Variants in CTDSPL2 observed in about 807,000 individuals in gnomAD.
The protein encoded by CTDSPL2 is CTD small phosphatase-like protein 2.
CTDSPL2 carries 5 observed loss-of-function variants against 60.0 expected under a neutral mutation model. The observed-to-expected ratio is 0.08, with a 90% CI of 0.04 to 0.18. The LOEUF (loss-of-function observed/expected upper bound fraction) is 0.18, where lower values mean the gene tolerates loss of function less well. CTDSPL2 is among the 10% of genes least tolerant of loss of function. The pLI is 1.00. For synonymous variants in CTDSPL2, 186 were observed against 189.3 expected (o/e 0.98, Z 0.14); for missense variants, 370 against 548.8 (o/e 0.67, Z 3.26).
At position 44,473,579 on chromosome 15, in the gene CTDSPL2, A is replaced by ACCACTGCGC. The variant is rs546364093; in HGVS notation, c.187-10641_187-10633dup. 5.2e-3 allele frequency among the ~76,000 whole-genome samples: 785 copies of ACCACTGCGC among 151,782 alleles called. 5 individuals carry two copies. Among genetic ancestry groups the ACCACTGCGC allele is most frequent in the Non-Finnish European group, 8.3e-3 (563 of 67,872 alleles). ...CAAAGTGCTGGGATTACAGGCGTGA[A>ACCACTGCGC]CCACTGCGCCCAGCCGTATCCCTAG... On this transcript the variant is annotated intron_variant, in intron 2 of 12. Coordinates refer to ENST00000260327, the MANE Select transcript of CTDSPL2 (RefSeq NM_016396.3).
At chr15:44,505,741 AAAAAAAAAAG>A (rs2081450172) in intron 8 of CTDSPL2, among the ~76,000 whole-genome samples, 1 of 151,714 alleles carries the variant, frequency 6.6e-6, no homozygotes, top group Non-Finnish European at 1.5e-5. Flanking sequence ...CTCCCAAAAA[AAAAAAAAAAG>A]AAAAGAAAAG....
At chr15:44,460,079 A>G (rs1041568069) in intron 2 of CTDSPL2, among the ~76,000 whole-genome samples, 2 of 152,100 alleles carry the variant, frequency 1.3e-5, no homozygotes, top group African/African-American at 4.8e-5. Flanking sequence ...ATGGTACAAC[A>G]GGTAGAAAAG....
chr15:44,473,772 A>AT (rs1325185034), intron 2 of CTDSPL2, among the ~76,000 whole-genome samples: 2 of 152,160 alleles, frequency 1.3e-5, no homozygotes, highest in African/African-American at 4.8e-5. Context: ...CTGCCCAGCT[A>AT]TTTCACCGTC....
intron 8 of CTDSPL2, among the ~76,000 whole-genome samples, chr15:44,506,402 C>A (rs1766479905): frequency 6.9e-6 from 1 of 145,360 alleles, no homozygotes; most frequent in Non-Finnish European, 1.5e-5. Flanking sequence ...TTCATTTTAT[C>A]CTACTTTGAC....
chr15:44,496,723 C>G (rs761638037), intron 6 of CTDSPL2, among the ~76,000 whole-genome samples: 2 of 151,952 alleles, frequency 1.3e-5, no homozygotes, highest in Non-Finnish European at 2.9e-5. Flanking sequence ...TGGCCGGACA[C>G]GGTGGCACAT....
chr15:44,517,795 T>G (rs2081684328), intron 10 of CTDSPL2, among the ~76,000 whole-genome samples: 1 of 152,234 alleles, frequency 6.6e-6, no homozygotes, highest in African/African-American at 2.4e-5. Context: ...GCCTTTCCAG[T>G]TTCCTCATAT....
intron 1 of CTDSPL2, among the ~76,000 whole-genome samples, chr15:44,432,268 G>T (rs1336508644): frequency 6.6e-6 from 1 of 151,570 alleles, no homozygotes; most frequent in Non-Finnish European, 1.5e-5. Context: ...CTGTACTAGG[G>T]ACTATGTATT....
intron 8 of CTDSPL2, among the ~76,000 whole-genome samples, chr15:44,500,470 A>G (rs2081367165): frequency 1.3e-5 from 2 of 152,218 alleles, no homozygotes; most frequent in African/African-American, 4.8e-5. Flanking sequence ...AATATAAGTG[A>G]ATACACTTTG....
At chr15:44,440,936 T>G (rs1475499201) in intron 1 of CTDSPL2, among the ~76,000 whole-genome samples, 3 of 152,202 alleles carry the variant, frequency 2.0e-5, no homozygotes, top group Non-Finnish European at 4.4e-5. Flanking sequence ...CAAATTTCTC[T>G]CGTGTTACTT....
At position 44,528,681 on chromosome 15, in the gene CTDSPL2, G is replaced by A. The variant is rs947930991; in HGVS notation, c.*4507G>A. 8 of 152,076 alleles carry A rather than the reference G, an allele frequency of 5.3e-5. No homozygotes were observed. Among genetic ancestry groups the A allele is most frequent in the Admixed American group, 1.3e-4 (2 of 15,266 alleles). 9.4% of individuals were successfully genotyped at this position (152,076 alleles called of 1,614,324 possible). On this transcript the variant is annotated 3_prime_UTR_variant, in exon 13 of 13. Coordinates refer to ENST00000260327, the MANE Select transcript of CTDSPL2 (RefSeq NM_016396.3). ...GACCATATACATAGCTAAAGGACAT[G>A]TCCCTGAATGAGACCATTATATATA... is the stretch of plus-strand genomic sequence containing the variant.
chr15:44,459,217 A>G lies in CTDSPL2; in HGVS notation c.186+17A>G, dbSNP rs1419428534. 5 of 1,560,558 alleles carry G rather than the reference A, an allele frequency of 3.2e-6. No homozygotes were observed. In the Admixed American group the frequency reaches 7.6e-5, roughly 24 times the overall value. ...ACACCTAAGGTAATGATTTTACCAT[A>G]TACTTTCATATCATTAAAAGTGAAA... is the stretch of plus-strand genomic sequence containing the variant. On this transcript the variant is annotated intron_variant, in intron 2 of 12. Transcript: ENST00000260327.
intron 2 of CTDSPL2, among the ~76,000 whole-genome samples, chr15:44,477,908 C>A (rs1339345066): frequency 1.3e-5 from 2 of 151,944 alleles, no homozygotes; most frequent in Non-Finnish European, 2.9e-5. Flanking sequence ...TGTTATTCAC[C>A]CAACGCATTT....
chr15:44,518,904 C>T (rs986328854), intron 10 of CTDSPL2: 4 of 210,218 alleles, frequency 1.9e-5, no homozygotes, highest in African/African-American at 9.1e-5. Flanking sequence ...TTTTAATCCC[C>T]CTTTATAATT....
chr15:44,460,920 TA>T (rs2080553369), intron 2 of CTDSPL2, among the ~76,000 whole-genome samples: 1 of 152,218 alleles, frequency 6.6e-6, no homozygotes. Context: ...TGCTACGTAT[TA>T]TTACTTCATT....
intron 1 of CTDSPL2, among the ~76,000 whole-genome samples, chr15:44,431,933 A>G (rs1169763802): frequency 6.6e-6 from 1 of 151,662 alleles, no homozygotes; most frequent in East Asian, 1.9e-4. Context: ...CATGTTGGTC[A>G]GGCTGGTCAC....
At chr15:44,512,150 T>G (rs1251754730) in intron 8 of CTDSPL2, among the ~76,000 whole-genome samples, 1 of 151,766 alleles carries the variant, frequency 6.6e-6, no homozygotes, top group Non-Finnish European at 1.5e-5. Context: ...TGGCCATGTT[T>G]GCACCACTGC....
chr15:44,508,298 AGTCTCAAAACTCCTGG>A (rs1411296583), intron 8 of CTDSPL2, among the ~76,000 whole-genome samples: 1 of 151,834 alleles, frequency 6.6e-6, no homozygotes, highest in Admixed American at 6.6e-5. Context: ...TGCCCAGGCT[AGTCTCAAAACTCCTGG>A]GCTCCAGTGA....
intron 8 of CTDSPL2, among the ~76,000 whole-genome samples, chr15:44,502,556 G>A (rs1402471075): frequency 6.6e-6 from 1 of 152,114 alleles, no homozygotes; most frequent in Non-Finnish European, 1.5e-5. Flanking sequence ...ATTGCAGCAT[G>A]AAAGTAGCCA....
intron 2 of CTDSPL2, among the ~76,000 whole-genome samples, chr15:44,472,876 G>A (rs189202313): frequency 1.4e-4 from 22 of 152,336 alleles, no homozygotes; most frequent in African/African-American, 5.1e-4. Flanking sequence ...GCCCAGGCCG[G>A]TTTTGAATTC....
Sources: gnomAD v4.1 joint callset for allele counts (sites outside exome capture counted in the v4.1 genomes callset) on GRCh38, gnomAD v4.1.1 for gene constraint, MANE v1.5 for transcripts, NCBI Gene and HGNC (gene_info 2026-07-23, HGNC 2026-07-21) for gene names.